The following MICU2 variants were observed in gnomAD, a reference collection of about 807,000 sequenced individuals.
MICU2 encodes the protein mitochondrial calcium uptake 2.
Under a neutral mutation model 60.4 loss-of-function variants are expected in MICU2, and 64 were observed. That is an observed-to-expected ratio of 1.06 (90% CI 0.87 to 1.31). The LOEUF (loss-of-function observed/expected upper bound fraction) is 1.31, where lower values mean the gene tolerates loss of function less well. Among genes scored for constraint, MICU2 ranks in the 50% most tolerant of loss-of-function variants. The pLI is 0.00. For missense variants in MICU2, 569 were observed against 531.0 expected (o/e 1.07, Z -0.70); for synonymous variants, 201 against 175.0 (o/e 1.15, Z -1.17).
intron 9 of MICU2, among the ~76,000 whole-genome samples, chr13:21,499,024 C>T (rs1312831334): frequency 6.6e-6 from 1 of 152,110 alleles, no homozygotes; most frequent in Non-Finnish European, 1.5e-5. Context: ...GATCTTGGCT[C>T]ACCAGAACCT....
At chr13:21,563,394 A>G (rs978403706) in intron 2 of MICU2, among the ~76,000 whole-genome samples, 15 of 151,980 alleles carry the variant, frequency 9.9e-5, no homozygotes, top group Admixed American at 5.2e-4. Flanking sequence ...GGTGGAGCTT[A>G]CAGTGAGCCA....
intron 9 of MICU2, among the ~76,000 whole-genome samples, chr13:21,499,814 G>A (rs1423146963): frequency 2.8e-5 from 4 of 141,002 alleles, no homozygotes; most frequent in African/African-American, 1.0e-4. Context: ...TTGGGAGGCC[G>A]AGAGTTTGGG....
chr13:21,569,464 C>A (rs912057293), intron 1 of MICU2, among the ~76,000 whole-genome samples: 2 of 152,040 alleles, frequency 1.3e-5, no homozygotes, highest in African/African-American at 2.4e-5. Context: ...GTAATCCTAC[C>A]ATTTTCCTTA....
intron 7 of MICU2, 61 bp downstream of exon 7, chr13:21,514,292 G>T: frequency 2.1e-6 from 3 of 1,396,246 alleles, no homozygotes; most frequent in South Asian, 2.5e-5. Context: ...GGGAATATCT[G>T]AACAAACAAA....
chr13:21,597,154 T>C (rs186367740), intron 1 of MICU2, among the ~76,000 whole-genome samples: 1 of 152,356 alleles, frequency 6.6e-6, no homozygotes, highest in Admixed American at 6.5e-5. Context: ...AATTGACCCA[T>C]CTTTAAACTT....
chr13:21,603,113 T>A (rs1452765773), intron 1 of MICU2, among the ~76,000 whole-genome samples: 1 of 151,490 alleles, frequency 6.6e-6, no homozygotes, highest in African/African-American at 2.4e-5. Flanking sequence ...CCCAGCTAAT[T>A]GTTTATATTT....
chr13:21,577,737 A>G (rs61952264), intron 1 of MICU2, among the ~76,000 whole-genome samples: 60,454 of 148,502 alleles, frequency 0.41, 12,989 homozygotes, highest in East Asian at 0.66. Context: ...CCCGGGAGAC[A>G]GAGGTTGCAG....
intron 1 of MICU2, among the ~76,000 whole-genome samples, chr13:21,577,695 C>T (rs1450360231): frequency 6.7e-6 from 1 of 150,300 alleles, no homozygotes; most frequent in Non-Finnish European, 1.5e-5. Context: ...ATCCCAGCTA[C>T]TTGGGAGGCT....
intron 1 of MICU2, among the ~76,000 whole-genome samples, chr13:21,574,595 CTTTG>C (rs1270920849): frequency 1.3e-5 from 2 of 152,134 alleles, no homozygotes; most frequent in South Asian, 2.1e-4. Context: ...GTTCTCTGTT[CTTTG>C]TTTAACATTC....
intron 6 of MICU2, 82 bp from the exon 7 acceptor site, chr13:21,514,500 G>T: frequency 4.3e-6 from 4 of 938,526 alleles, no homozygotes; most frequent in South Asian, 1.5e-5. Flanking sequence ...CCAACTTATT[G>T]TTATAAAATA....
chr13:21,501,594 G>T (rs1475883187), intron 9 of MICU2, among the ~76,000 whole-genome samples: 1 of 152,134 alleles, frequency 6.6e-6, no homozygotes, highest in African/African-American at 2.4e-5. Flanking sequence ...TAATTCAATG[G>T]TATTTTTATT....
intron 7 of MICU2, among the ~76,000 whole-genome samples, chr13:21,512,216 A>G (rs1886448177): frequency 1.3e-5 from 2 of 152,300 alleles, no homozygotes; most frequent in African/African-American, 4.8e-5. Flanking sequence ...AAGGTGGTGA[A>G]TATCCTTTTA....
chr13:21,538,494 T>C (rs564185970), intron 4 of MICU2, among the ~76,000 whole-genome samples: 87 of 146,246 alleles, frequency 5.9e-4, no homozygotes, highest in African/African-American at 2.1e-3. Context: ...AGTCCCAGAG[T>C]TTGACGCTGC....
intron 1 of MICU2, among the ~76,000 whole-genome samples, chr13:21,567,249 G>A (rs1021271102): frequency 2.6e-5 from 4 of 152,180 alleles, no homozygotes; most frequent in Non-Finnish European, 5.9e-5. Context: ...AAAGGGATAA[G>A]GTGGTAATAC....
chr13:21,510,043 T>G lies in MICU2; in HGVS notation c.722A>C (p.Lys241Thr). 1 of 1,545,116 alleles carries G rather than the reference T, an allele frequency of 6.5e-7. No individual in the cohort carries two copies. The highest frequency in any genetic ancestry group is 2.5e-5 in the East Asian group (1 of 40,676). Residue 241 changes from lysine to threonine, a missense_variant, in exon 8 of 12, where the codon AAA becomes ACA. Transcript: ENST00000382374. Reference sequence around the variant, plus strand: ...ATAATGAAGTTTTCTTTGTCCTCTTTTTCCAAAGAAACGCATCTGAAGAGT... The same window carrying G: ...ATAATGAAGTTTTCTTTGTCCTCTTGTTCCAAAGAAACGCATCTGAAGAGT... ...NTTLQMRFFGKRGQRKLHYKE... is the reference protein window; with the variant it reads ...NTTLQMRFFGTRGQRKLHYKE...
At chr13:21,494,927 A>T (rs1011872496) in intron 11 of MICU2, among the ~76,000 whole-genome samples, 1 of 152,160 alleles carries the variant, frequency 6.6e-6, no homozygotes, top group African/African-American at 2.4e-5. Context: ...CAGTGGTGCG[A>T]TCGTAGCTCA....
chr13:21,572,012 T>A (rs563248655), intron 1 of MICU2, among the ~76,000 whole-genome samples: 2 of 152,230 alleles, frequency 1.3e-5, no homozygotes, highest in African/African-American at 4.8e-5. Context: ...TGGAATTGGA[T>A]ATCTGATACC....
rs1053468728 is a variant in MICU2, at chr13:21,502,732, T to C, written c.933+194A>G. On this transcript the variant is annotated intron_variant, in intron 9 of 11. Coordinates refer to ENST00000382374, the MANE Select transcript of MICU2 (RefSeq NM_152726.3). ...TTGACTTTACTGGAAATGGAAAACTTGTAATTGCTACACTGATTCTGTCTT... is the reference window on the plus strand; with the variant it reads ...TTGACTTTACTGGAAATGGAAAACTCGTAATTGCTACACTGATTCTGTCTT... 26 of 479,720 alleles carry C rather than the reference T, an allele frequency of 5.4e-5. No individual in the cohort carries two copies. In the African/African-American group the frequency reaches 5.5e-4, roughly 10 times the overall value. 29.7% of individuals were successfully genotyped at this position (479,720 alleles called of 1,614,324 possible).
At chr13:21,581,290 G>A (rs1888342561) in intron 1 of MICU2, among the ~76,000 whole-genome samples, 1 of 152,094 alleles carries the variant, frequency 6.6e-6, no homozygotes, top group Non-Finnish European at 1.5e-5. Context: ...GCTAATTTTT[G>A]TATTTTTAGT....
Sources: gnomAD v4.1 joint callset for allele counts (sites outside exome capture counted in the v4.1 genomes callset) on GRCh38, gnomAD v4.1.1 for gene constraint, MANE v1.5 for transcripts, NCBI Gene and HGNC (gene_info 2026-07-23, HGNC 2026-07-21) for gene names.